Variants in MBNL2 observed in about 807,000 individuals in gnomAD.
MBNL2 encodes muscleblind-like protein 2.
A neutral mutation model predicts 41.9 loss-of-function variants in MBNL2; 17 were observed. The observed-to-expected ratio is 0.41, with a 90% CI of 0.28 to 0.61. The LOEUF is 0.61. Among genes scored for constraint, MBNL2 ranks in the 20% least tolerant of loss-of-function variants. The pLI is 0.35. For synonymous variants in MBNL2, 195 were observed against 182.9 expected (o/e 1.07, Z -0.53); for missense variants, 336 against 505.6 (o/e 0.66, Z 3.22).
chr13:97,284,076 C>T (rs2053955305), intron 2 of MBNL2, among the ~76,000 whole-genome samples: 1 of 152,196 alleles, frequency 6.6e-6, no homozygotes, highest in Admixed American at 6.5e-5. Flanking sequence ...TAGACAGGAT[C>T]ATCTCTGTTT....
intron 2 of MBNL2, among the ~76,000 whole-genome samples, chr13:97,315,902 GA>G (rs891295033): frequency 3.3e-5 from 5 of 152,132 alleles, no homozygotes; most frequent in African/African-American, 1.2e-4. Flanking sequence ...TGCGATTCAG[GA>G]AAGAATGGGG....
At chr13:97,207,457 A>G in the MBNL2 span, among the ~76,000 whole-genome samples, 2 of 152,264 alleles carry the variant, frequency 1.3e-5, no homozygotes, top group East Asian at 3.9e-4. Context: ...CACATCTTAC[A>G]TGGATGGCAG....
At chr13:97,224,932 C>T (rs2041375341) in intron 1 of MBNL2, among the ~76,000 whole-genome samples, 1 of 152,240 alleles carries the variant, frequency 6.6e-6, no homozygotes, top group African/African-American at 2.4e-5. Flanking sequence ...TGGCCACAGG[C>T]CTTGTAGTGC....
intron 1 of MBNL2, among the ~76,000 whole-genome samples, chr13:97,232,889 G>GTA (rs2042591371): frequency 6.9e-6 from 1 of 145,120 alleles, no homozygotes; most frequent in African/African-American, 2.5e-5. Flanking sequence ...GTGTGTGTGT[G>GTA]TGCGCACGTA....
chr13:97,204,262 G>A, the MBNL2 span, among the ~76,000 whole-genome samples: 2 of 152,182 alleles, frequency 1.3e-5, no homozygotes, highest in South Asian at 2.1e-4. Context: ...TGAAAGACTC[G>A]CAGGTGAGGC....
At chr13:97,186,471 G>A in the MBNL2 span, among the ~76,000 whole-genome samples, 1 of 152,180 alleles carries the variant, frequency 6.6e-6, no homozygotes, top group African/African-American at 2.4e-5. Flanking sequence ...TAACCATCAG[G>A]AGCCCTGGTT....
intron 5 of MBNL2, among the ~76,000 whole-genome samples, chr13:97,354,222 T>G (rs551249463): frequency 3.9e-5 from 6 of 152,086 alleles, no homozygotes; most frequent in Non-Finnish European, 8.8e-5. Flanking sequence ...TTAAGGAGGA[T>G]CTTAGGATAC....
intron 1 of MBNL2, among the ~76,000 whole-genome samples, chr13:97,231,770 GCTGTTGTGTTTATCTGT>G (rs2042409257): frequency 6.6e-6 from 1 of 152,056 alleles, no homozygotes; most frequent in African/African-American, 2.4e-5. Context: ...TCCAGGGAAG[GCTGTTGTGTTTATCTGT>G]CTGCTCCAGA....
chr13:97,391,507 C>A lies in MBNL2; in HGVS notation c.*58C>A. Reference sequence around the variant, plus strand: ...CTCTAAGAAGCTAGTGCTGCTATCTCATATATGAGTATTAAATATGGTATG... The same window carrying A: ...CTCTAAGAAGCTAGTGCTGCTATCTAATATATGAGTATTAAATATGGTATG... On this transcript the variant is annotated 3_prime_UTR_variant, in exon 9 of 9. Coordinates refer to ENST00000679496, the MANE Select transcript of MBNL2 (RefSeq NM_001382683.1). 1.3e-6 allele frequency: 1 copy of A among 790,564 alleles called. No homozygotes were observed. The highest frequency in any genetic ancestry group is 1.4e-5 in the South Asian group (1 of 71,428). 49.0% of individuals were successfully genotyped at this position (790,564 alleles called of 1,614,324 possible). A position where few individuals can be genotyped will look rare whatever the true frequency, so the allele number is the denominator to read the frequency against.
chr13:97,376,986 T>C (rs1369565868), intron 8 of MBNL2, among the ~76,000 whole-genome samples: 1 of 152,160 alleles, frequency 6.6e-6, no homozygotes, highest in Non-Finnish European at 1.5e-5. Context: ...AACACTGCCT[T>C]CCTGAGAAAG....
chr13:97,217,049 TA>T (rs1341650903), upstream of MBNL2, among the ~76,000 whole-genome samples: 1 of 146,966 alleles, frequency 6.8e-6, no homozygotes, highest in Non-Finnish European at 1.5e-5. Context: ...ACATAATATG[TA>T]ATATATACAT....
At chr13:97,194,752 T>A in the MBNL2 span, among the ~76,000 whole-genome samples, 1 of 152,218 alleles carries the variant, frequency 6.6e-6, no homozygotes, top group African/African-American at 2.4e-5. Context: ...CCTTCACTGC[T>A]TATTATATGC....
intron 8 of MBNL2, among the ~76,000 whole-genome samples, chr13:97,384,102 C>T (rs754922215): frequency 9.2e-5 from 14 of 151,772 alleles, no homozygotes; most frequent in African/African-American, 2.9e-4. Flanking sequence ...GTTTCAACCA[C>T]GTTGGCCAGG....
intron 2 of MBNL2, among the ~76,000 whole-genome samples, chr13:97,312,250 G>A (rs779265067): frequency 1.1e-4 from 16 of 152,094 alleles, no homozygotes; most frequent in African/African-American, 3.4e-4. Context: ...ATAAGGGGAC[G>A]GAAAACATCA....
intron 8 of MBNL2, among the ~76,000 whole-genome samples, chr13:97,387,769 A>G (rs1365646173): frequency 6.6e-6 from 1 of 152,242 alleles, no homozygotes. Context: ...TCTGCAAAAT[A>G]TGATCACAAT....
chr13:97,182,923 AC>A, the MBNL2 span, among the ~76,000 whole-genome samples: 1 of 152,194 alleles, frequency 6.6e-6, no homozygotes, highest in East Asian at 1.9e-4. Context: ...ATTATGAGTT[AC>A]CCCAAGTATA....
intron 3 of MBNL2, among the ~76,000 whole-genome samples, chr13:97,342,382 T>A (rs1305518689): frequency 6.6e-6 from 1 of 152,204 alleles, no homozygotes; most frequent in Non-Finnish European, 1.5e-5. Context: ...ATTAAAAAGC[T>A]CTTCCAGAAA....
intron 1 of MBNL2, among the ~76,000 whole-genome samples, chr13:97,262,170 T>A (rs1391735677): frequency 6.6e-6 from 1 of 152,050 alleles, no homozygotes; most frequent in African/African-American, 2.4e-5. Flanking sequence ...GAGCAGAGAG[T>A]GCAATCCCTG....
chr13:97,337,241 A>G (rs574535291), intron 3 of MBNL2, among the ~76,000 whole-genome samples: 93 of 152,344 alleles, frequency 6.1e-4, no homozygotes, highest in Admixed American at 3.2e-3. Context: ...CTCATCAGAC[A>G]TCAAATCTGC....
Sources: allele counts gnomAD v4.1 joint callset (sites outside exome capture counted in the v4.1 genomes callset), GRCh38; gene constraint gnomAD v4.1.1; transcripts MANE v1.5; gene names NCBI Gene and HGNC (gene_info 2026-07-23, HGNC 2026-07-21).